SGCD: variants seen among roughly 807,000 people sequenced by gnomAD.
SGCD encodes the protein sarcoglycan delta, also known as delta-sarcoglycan.
Under a neutral mutation model 36.6 loss-of-function variants are expected in SGCD, and 18 were observed. The observed-to-expected ratio is 0.49, with a 90% CI of 0.34 to 0.73. SGCD has a LOEUF of 0.73. Among genes scored for constraint, SGCD ranks in the 30% least tolerant of loss-of-function variants. The probability of loss-of-function intolerance (pLI) is 0.01; values close to 1 mark genes in which losing one functional copy is unlikely to be tolerated. For synonymous variants in SGCD, 133 were observed against 130.6 expected, an observed-to-expected ratio of 1.02 and a Z score of -0.12; for missense variants, 387 against 346.7, an observed-to-expected ratio of 1.12 and a Z score of -0.92.
intron 3 of SGCD, among the ~76,000 whole-genome samples, chr5:156,505,752 T>C (rs572182712): frequency 4.7e-5 from 7 of 148,620 alleles, no homozygotes; most frequent in Admixed American, 4.1e-4. Flanking sequence ...TAACAAAGCA[T>C]GTTCATAGTG....
In SGCD at chr5:156,723,411, C is replaced by A. The variant is rs570299691; in HGVS notation, c.576-34170C>A. 5.3e-5 allele frequency among the ~76,000 whole-genome samples: 8 copies of A among 152,298 alleles called. No individual in the cohort carries two copies. In the East Asian group the frequency reaches 1.5e-3, roughly 29 times the overall value. On this transcript the variant is annotated intron_variant, in intron 7 of 8. Transcript: ENST00000337851. ...TATTTATTATAGACTTAAACGTTGC[C>A]AGCATCATCCTACCAATGGGATTAG...
At chr5:156,662,623 T>TA (rs1482485111) in intron 7 of SGCD, among the ~76,000 whole-genome samples, 1 of 146,610 alleles carries the variant, frequency 6.8e-6, no homozygotes, top group Non-Finnish European at 1.5e-5. Flanking sequence ...AGAGGGATGG[T>TA]AAAAAAGCAA....
chr5:155,832,416 G>A, the SGCD span, among the ~76,000 whole-genome samples: 34 of 152,228 alleles, frequency 2.2e-4, 1 homozygote, highest in Admixed American at 1.6e-3. Flanking sequence ...AGTATCTTTT[G>A]TGTCTCTATG....
At position 156,519,908 on chromosome 5, in the gene SGCD, T is replaced by TA. The variant is rs1224362462; in HGVS notation, c.294+11207dup. On this transcript the variant is annotated intron_variant, in intron 4 of 8. Transcript: ENST00000337851. ...TCTATAACACATCTTCAGCCAATAT[T>TA]ATATTGAATGGGAAAAGCTGGAAGA... 2.0e-5 allele frequency among the ~76,000 whole-genome samples: 3 copies of TA among 152,296 alleles called. No homozygotes were observed. The South Asian group carries it at 6.2e-4, about 32-fold the overall frequency.
chr5:155,852,190 T>TA, the SGCD span, among the ~76,000 whole-genome samples: 1 of 152,200 alleles, frequency 6.6e-6, no homozygotes, highest in Non-Finnish European at 1.5e-5. Context: ...TCCTTCCACC[T>TA]AAAAAATAAC....
intron 3 of SGCD, among the ~76,000 whole-genome samples, chr5:156,240,563 C>A (rs2127655879): frequency 6.6e-6 from 1 of 152,246 alleles, no homozygotes; most frequent in African/African-American, 2.4e-5. Flanking sequence ...CAGACTGGCA[C>A]CAAGCTGTAC....
intron 3 of SGCD, among the ~76,000 whole-genome samples, chr5:156,465,150 G>A (rs539675889): frequency 1.9e-4 from 29 of 152,256 alleles, no homozygotes; most frequent in African/African-American, 6.7e-4. Flanking sequence ...GAGGGAATCA[G>A]TGTTACATCC....
chr5:156,280,903 T>C, intron 3 of SGCD, among the ~76,000 whole-genome samples: 1 of 152,316 alleles, frequency 6.6e-6, no homozygotes, highest in Non-Finnish European at 1.5e-5. Flanking sequence ...TAAAAGTCAT[T>C]ATTAGAGCAA....
intron 4 of SGCD, among the ~76,000 whole-genome samples, chr5:156,579,741 T>A (rs947651825): frequency 3.3e-5 from 5 of 152,154 alleles, no homozygotes; most frequent in African/African-American, 1.2e-4. Context: ...CAACTCCTGC[T>A]ATTTTTTTGT....
intron 7 of SGCD, among the ~76,000 whole-genome samples, chr5:156,668,249 T>G (rs1561847211): frequency 6.6e-6 from 1 of 152,234 alleles, no homozygotes; most frequent in Non-Finnish European, 1.5e-5. Context: ...GACATGCAGT[T>G]GTCTCTCTTT....
the SGCD span, among the ~76,000 whole-genome samples, chr5:155,744,992 G>A: frequency 2.6e-5 from 4 of 152,316 alleles, no homozygotes; most frequent in South Asian, 6.2e-4. Context: ...AGAGAGCAAA[G>A]ACAGATCCAC....
At chr5:156,044,780 A>T (rs993296410) in intron 1 of SGCD, among the ~76,000 whole-genome samples, 12 of 152,186 alleles carry the variant, frequency 7.9e-5, no homozygotes, top group Non-Finnish European at 1.0e-4. Flanking sequence ...GAGAAGCAAA[A>T]TTAAAAATAA....
At chr5:156,134,089 C>CT (rs1762395445) in intron 3 of SGCD, among the ~76,000 whole-genome samples, 1 of 152,176 alleles carries the variant, frequency 6.6e-6, no homozygotes, top group African/African-American at 2.4e-5. Flanking sequence ...AAATTCACAT[C>CT]TTACAGAAAG....
intron 1 of SGCD, among the ~76,000 whole-genome samples, chr5:155,913,835 G>C (rs1756683139): frequency 1.3e-5 from 2 of 152,226 alleles, no homozygotes; most frequent in African/African-American, 4.8e-5. Flanking sequence ...CATAGTCTGT[G>C]CTCATCTTGC....
intron 3 of SGCD, among the ~76,000 whole-genome samples, chr5:156,467,789 A>G (rs1338008878): frequency 1.3e-5 from 2 of 152,256 alleles, no homozygotes; most frequent in African/African-American, 2.4e-5. Context: ...ATGAGCCCAT[A>G]TATTAAAGAT....
At chr5:155,862,708 G>A in the SGCD span, among the ~76,000 whole-genome samples, 8 of 152,134 alleles carry the variant, frequency 5.3e-5, no homozygotes, top group South Asian at 2.1e-4. Context: ...CTCAGTTAAC[G>A]TCCAGCAGTT....
chr5:155,828,081 A>G, the SGCD span, among the ~76,000 whole-genome samples: 17 of 152,080 alleles, frequency 1.1e-4, no homozygotes, highest in Admixed American at 3.9e-4. Flanking sequence ...TGCCACATCT[A>G]GTTTCACTAC....
chr5:156,586,249 G>T (rs1735134861), intron 4 of SGCD, among the ~76,000 whole-genome samples: 1 of 152,020 alleles, frequency 6.6e-6, no homozygotes, highest in Non-Finnish European at 1.5e-5. Context: ...GCTGTCAATT[G>T]ATATTTGCTA....
At chr5:156,111,099 A>G (rs1260828618) in intron 1 of SGCD, among the ~76,000 whole-genome samples, 1 of 152,212 alleles carries the variant, frequency 6.6e-6, no homozygotes, top group Non-Finnish European at 1.5e-5. Flanking sequence ...CTCCTTATGA[A>G]TGAGAAAAAA....
Sources: gnomAD v4.1 joint callset for allele counts (sites outside exome capture counted in the v4.1 genomes callset) on GRCh38, gnomAD v4.1.1 for gene constraint, MANE v1.5 for transcripts, NCBI Gene and HGNC (gene_info 2026-07-23, HGNC 2026-07-21) for gene names.